Variants in ZNF503 observed in about 807,000 individuals in gnomAD.
ZNF503 encodes the protein NocA-like zinc finger 2.
ZNF503 carries 15 observed loss-of-function variants against 34.4 expected under a neutral mutation model. The observed-to-expected ratio is 0.44, with a 90% CI of 0.29 to 0.67. The LOEUF (loss-of-function observed/expected upper bound fraction) is 0.67. ZNF503 is among the 30% of genes least tolerant of loss of function. The pLI, the probability that ZNF503 is intolerant of heterozygous loss-of-function variation, is 0.13. For missense variants in ZNF503, 1,007 were observed against 926.8 expected (o/e 1.09, Z -1.12); for synonymous variants, 580 against 456.8 (o/e 1.27, Z -3.44).
At chr10:75,323,466 ATTTCCACCAGCACTATTTGAGG>A in the ZNF503 span, among the ~76,000 whole-genome samples, 1 of 152,284 alleles carries the variant, frequency 6.6e-6, no homozygotes, top group Non-Finnish European at 1.5e-5. Flanking sequence ...ACCATTTTGC[ATTTCCACCAGCACTATTTGAGG>A]TTTCCACCAG....
the ZNF503 span, among the ~76,000 whole-genome samples, chr10:75,368,618 G>A: frequency 6.6e-6 from 1 of 152,168 alleles, no homozygotes; most frequent in Admixed American, 6.5e-5. Context: ...AGGTTCTTTT[G>A]CATGACCTCA....
chr10:75,295,322 G>A, the ZNF503 span, among the ~76,000 whole-genome samples: 1 of 152,028 alleles, frequency 6.6e-6, no homozygotes, highest in African/African-American at 2.4e-5. The surrounding 1 kb of genome is among the most constrained non-coding windows in gnomAD (Gnocchi z 4.0). Flanking sequence ...CCTGGCGGGC[G>A]GCGGCCTCTC....
At chr10:75,296,488 T>C in the ZNF503 span, 1 of 122,362 alleles carries the variant, frequency 8.2e-6, no homozygotes, top group African/African-American at 2.9e-5. Context: ...AAGTAGAGGG[T>C]GGCTCAGACA....
the ZNF503 span, among the ~76,000 whole-genome samples, chr10:75,306,118 T>C: frequency 6.6e-6 from 1 of 152,188 alleles, no homozygotes; most frequent in Non-Finnish European, 1.5e-5. Context: ...TGCCTTAATG[T>C]TTTCCATAGT....
chr10:75,293,103 C>G, the ZNF503 span, among the ~76,000 whole-genome samples: 1 of 152,152 alleles, frequency 6.6e-6, no homozygotes, highest in African/African-American at 2.4e-5. Context: ...ACACGGCTTC[C>G]GAGGTCTTCT....
At chr10:75,339,788 G>A in the ZNF503 span, among the ~76,000 whole-genome samples, 1 of 152,146 alleles carries the variant, frequency 6.6e-6, no homozygotes, top group African/African-American at 2.4e-5. Flanking sequence ...TGAAGACATA[G>A]CCTATAGGTC....
the ZNF503 span, among the ~76,000 whole-genome samples, chr10:75,354,815 T>C: frequency 4.0e-5 from 6 of 151,686 alleles, no homozygotes. Flanking sequence ...TTTGTTGTTA[T>C]TGGGCATCTG....
chr10:75,294,672 G>A, the ZNF503 span, among the ~76,000 whole-genome samples: 1 of 151,700 alleles, frequency 6.6e-6, no homozygotes, highest in Non-Finnish European at 1.5e-5. Context: ...CAGGGGACAG[G>A]GCGGAGGGGG....
the ZNF503 span, among the ~76,000 whole-genome samples, chr10:75,289,620 C>G: frequency 1.3e-5 from 2 of 152,256 alleles, no homozygotes; most frequent in African/African-American, 4.8e-5. Context: ...GAGTCTTGCT[C>G]TGTCACCCAG....
At chr10:75,354,555 A>T in the ZNF503 span, among the ~76,000 whole-genome samples, 1 of 127,018 alleles carries the variant, frequency 7.9e-6, no homozygotes, top group Non-Finnish European at 1.6e-5. Context: ...TCTACAAAAT[A>T]AAAAAAAAAA....
At chr10:75,384,880 C>T in the ZNF503 span, among the ~76,000 whole-genome samples, 6 of 152,340 alleles carry the variant, frequency 3.9e-5, no homozygotes, top group African/African-American at 1.4e-4. Flanking sequence ...GAGTCTTCCT[C>T]GCTGACCTTC....
chr10:75,395,200 G>A (rs1214714665), downstream of ZNF503, among the ~76,000 whole-genome samples: 1 of 152,244 alleles, frequency 6.6e-6, no homozygotes, highest in African/African-American at 2.4e-5. This position sits in a 1 kb window ranked among gnomAD's most constrained non-coding sequence, Gnocchi z 4.4. Context: ...CCTTGAGGGT[G>A]GGAGCTCCCC....
chr10:75,339,448 C>G, the ZNF503 span, among the ~76,000 whole-genome samples: 1 of 152,190 alleles, frequency 6.6e-6, no homozygotes, highest in African/African-American at 2.4e-5. Flanking sequence ...GATGGGAGAG[C>G]CTCCAAAACA....
the ZNF503 span, among the ~76,000 whole-genome samples, chr10:75,352,371 CAGA>C: frequency 1.3e-5 from 2 of 152,208 alleles, no homozygotes; most frequent in Non-Finnish European, 2.9e-5. Flanking sequence ...TCTTTTTCCC[CAGA>C]AGATCTCCTA....
At chr10:75,370,059 A>AAAATAAATAAATAAAT in the ZNF503 span, among the ~76,000 whole-genome samples, 7 of 142,778 alleles carry the variant, frequency 4.9e-5, no homozygotes, top group Admixed American at 1.4e-4. Flanking sequence ...ACTACATGTC[A>AAAATAAATAAATAAAT]AAATAAATAA....
Position 75,399,779 on chromosome 10 carries a change from C to A in ZNF503, c.911G>T (p.Gly304Val). 1 of 1,593,850 alleles carries A rather than the reference C, an allele frequency of 6.3e-7. No homozygotes were observed. Among genetic ancestry groups the A allele is most frequent in the South Asian group, 1.1e-5 (1 of 89,338 alleles). The change falls in exon 2 of 2, where the codon GGC (glycine) becomes GTC (valine). Residue 304 changes from glycine to valine, a missense_variant. Coordinates refer to ENST00000372524, the MANE Select transcript of ZNF503 (RefSeq NM_032772.6). ...GCCGCAGTCCGAGCCCAGAGCCTTG[C>A]CTCCCGGGCCCCCATCCGGATGCTG... The part of the protein sequence containing the change: ...VNQHPDGGPG[G>V]KALGSDCGGS...
chr10:75,401,896 GC>G, upstream of ZNF503: 3 of 191,080 alleles, frequency 1.6e-5, no homozygotes, highest in South Asian at 3.3e-4. Flanking sequence ...CGCCGCCGCC[GC>G]CGCTGCCAGG....
rs200297480 is a variant in ZNF503 at position 75,399,993 on chromosome 10, C to G, written c.697G>C (p.Ala233Pro). Residue 233 changes from alanine to proline, a missense_variant, in exon 2 of 2, where the codon GCC (alanine) becomes CCC (proline). By Grantham distance (27) the Ala-to-Pro change is conservative. Transcript: ENST00000372524. ...TPRTGSPSSS[A>P]SACSPGGMLS... ...ATACCTCCCGGCGAGCAGGCCGAGG[C>G]GCTGGAGCTCGGGCTGCCTGTCCTG... 1,256 of 1,605,312 alleles carry G rather than the reference C, an allele frequency of 7.8e-4. 3 individuals are homozygous for G. The highest frequency in any genetic ancestry group is 9.8e-4 in the Non-Finnish European group (1,150 of 1,179,186).
In ZNF503 at chr10:75,401,596, G is replaced by C. The variant is rs1843825906; in HGVS notation, c.-177C>G. ...CTGGAGCCAGACGCGAGTAATCCTG[G>C]GTGGCCCGCAGCGGAGCCGTGGCCG... On this transcript the variant is annotated 5_prime_UTR_variant, in exon 1 of 2. Coordinates refer to ENST00000372524, the MANE Select transcript of ZNF503 (RefSeq NM_032772.6). 1 of 735,010 alleles carries C rather than the reference G, an allele frequency of 1.4e-6. No individual in the cohort carries two copies. The highest frequency in any genetic ancestry group is 2.8e-5 in the Admixed American group (1 of 36,124). 45.5% of individuals were successfully genotyped at this position (735,010 alleles called of 1,614,324 possible).
Sources: gnomAD v4.1 joint callset for allele counts (sites outside exome capture counted in the v4.1 genomes callset) on GRCh38, gnomAD v4.1.1 for gene constraint, Gnocchi (gnomAD v3.1) non-coding constraint, MANE v1.5 for transcripts, NCBI Gene and HGNC (gene_info 2026-07-23, HGNC 2026-07-21) for gene names.